Variants in SNTG1 observed in about 807,000 individuals in gnomAD.
SNTG1 encodes gamma-1-syntrophin.
In SNTG1, 39 loss-of-function variants were observed where a neutral mutation model predicts 74.7. That is an observed-to-expected ratio of 0.52 (90% CI 0.40 to 0.68). The LOEUF (loss-of-function observed/expected upper bound fraction) is 0.68, where lower values mean the gene tolerates loss of function less well. SNTG1 is among the 30% of genes least tolerant of loss of function. The probability of loss-of-function intolerance (pLI) is 0.00; values close to 1 mark genes in which losing one functional copy is unlikely to be tolerated. For missense variants in SNTG1, 685 were observed against 609.5 expected (o/e 1.12, Z -1.30); for synonymous variants, 254 against 217.1 (o/e 1.17, Z -1.49).
intron 18 of SNTG1, among the ~76,000 whole-genome samples, chr8:50,776,534 A>G (rs2095641406): frequency 6.8e-6 from 1 of 148,082 alleles, no homozygotes; most frequent in African/African-American, 2.4e-5. Context: ...CATATTTTAT[A>G]CTATTCTTTA....
intron 12 of SNTG1, among the ~76,000 whole-genome samples, chr8:50,564,660 A>G (rs1190107422): frequency 6.6e-6 from 1 of 152,118 alleles, no homozygotes; most frequent in Non-Finnish European, 1.5e-5. Context: ...TTCTTAGCTT[A>G]CAATGATATT....
At chr8:49,949,140 G>C (rs1027867227) in intron 1 of SNTG1, among the ~76,000 whole-genome samples, 5 of 152,130 alleles carry the variant, frequency 3.3e-5, no homozygotes, top group African/African-American at 1.2e-4. Flanking sequence ...GGTTCTAAAA[G>C]TTGCTCTTCT....
chr8:50,131,062 A>G (rs1167901801), intron 1 of SNTG1, among the ~76,000 whole-genome samples: 1 of 146,408 alleles, frequency 6.8e-6, no homozygotes, highest in Non-Finnish European at 1.5e-5. Context: ...AATTTCAAAA[A>G]GAGAGCATGA....
At chr8:50,263,055 T>A (rs4620300) in intron 2 of SNTG1, among the ~76,000 whole-genome samples, 135,927 of 152,196 alleles carry the variant, frequency 0.89, 62,190 homozygotes, top group East Asian at 1. Context: ...GTCATTATAC[T>A]CTTGTCCAAA....
chr8:50,425,527 G>T (rs925484253), intron 4 of SNTG1, among the ~76,000 whole-genome samples: 1 of 152,034 alleles, frequency 6.6e-6, no homozygotes, highest in African/African-American at 2.4e-5. Flanking sequence ...ATTATGGTGA[G>T]TTGTATAATT....
chr8:50,649,057 T>C (rs533056204), intron 13 of SNTG1, among the ~76,000 whole-genome samples: 31 of 152,330 alleles, frequency 2.0e-4, no homozygotes, highest in African/African-American at 7.5e-4. Flanking sequence ...ATTTAATAAT[T>C]GTACTTACTC....
chr8:50,369,531 G>A (rs1339351170), intron 2 of SNTG1, among the ~76,000 whole-genome samples: 1 of 151,966 alleles, frequency 6.6e-6, no homozygotes, highest in African/African-American at 2.4e-5. Context: ...AGGAGGCAGA[G>A]GTTGCAGTGA....
Position 50,402,213 on chromosome 8 carries a change from A to G in SNTG1, c.31A>G (p.Lys11Glu). 1 of 1,588,836 alleles carries G rather than the reference A, an allele frequency of 6.3e-7. No individual in the cohort carries two copies. The highest frequency in any genetic ancestry group is 8.5e-7 in the Non-Finnish European group (1 of 1,173,708). MDFRTACEETKTGICLLQDGN... is the reference protein window; with the variant it reads MDFRTACEETETGICLLQDGN... ...TGTTTTTTTTTTTAATCTGAAGACA[A>G]AGACAGGAATTTGTTTGCTGCAGGA... Residue 11 changes from lysine (K) to glutamate (E), a missense_variant, in exon 4 of 19, where the codon AAG becomes GAG. Lys to Glu is a moderately conservative substitution (Grantham distance 56). Transcript: ENST00000642720.
intron 17 of SNTG1, among the ~76,000 whole-genome samples, chr8:50,743,024 G>T (rs1226616406): frequency 6.6e-6 from 1 of 150,606 alleles, no homozygotes; most frequent in African/African-American, 2.4e-5. Flanking sequence ...TGTCAACAGA[G>T]AAGAGGCCTG....
At chr8:50,402,832 T>G (rs565281454) in intron 4 of SNTG1, among the ~76,000 whole-genome samples, 1 of 152,288 alleles carries the variant, frequency 6.6e-6, no homozygotes, top group African/African-American at 2.4e-5. Flanking sequence ...TGGGCCTCCC[T>G]AATAGAATTA....
At chr8:50,626,599 CCAAA>C (rs2094957856) in intron 13 of SNTG1, among the ~76,000 whole-genome samples, 1 of 152,202 alleles carries the variant, frequency 6.6e-6, no homozygotes, top group Non-Finnish European at 1.5e-5. Flanking sequence ...AAGGAATGGG[CCAAA>C]CAAAGGGATT....
intron 1 of SNTG1, among the ~76,000 whole-genome samples, chr8:49,975,452 G>T (rs1398935182): frequency 1.3e-5 from 2 of 152,132 alleles, no homozygotes; most frequent in Non-Finnish European, 2.9e-5. Flanking sequence ...GCCACAACAT[G>T]CACAGCAGCG....
intron 2 of SNTG1, among the ~76,000 whole-genome samples, chr8:50,216,012 G>A (rs562713191): frequency 6.6e-6 from 1 of 152,144 alleles, no homozygotes; most frequent in Non-Finnish European, 1.5e-5. Context: ...AAGCCAGAGA[G>A]TGTCTATCTC....
At chr8:50,642,145 A>G (rs1273304706) in intron 13 of SNTG1, among the ~76,000 whole-genome samples, 1 of 152,138 alleles carries the variant, frequency 6.6e-6, no homozygotes, top group African/African-American at 2.4e-5. Context: ...GATTGCAAAG[A>G]TCGAAAACTT....
intron 9 of SNTG1, among the ~76,000 whole-genome samples, chr8:50,503,311 T>C (rs1161715930): frequency 6.6e-6 from 1 of 152,204 alleles, no homozygotes. Flanking sequence ...TACATAGAAC[T>C]ACTTAAAAAG....
chr8:50,110,483 T>G (rs1055826739), intron 1 of SNTG1, among the ~76,000 whole-genome samples: 3 of 152,150 alleles, frequency 2.0e-5, no homozygotes, highest in Non-Finnish European at 4.4e-5. Flanking sequence ...CTGTAGTAGT[T>G]AGTCTTTCTG....
At chr8:50,460,721 G>A (rs1483936883) in intron 8 of SNTG1, among the ~76,000 whole-genome samples, 2 of 152,032 alleles carry the variant, frequency 1.3e-5, no homozygotes, top group African/African-American at 2.4e-5. Flanking sequence ...AGCTATTCTA[G>A]CACCATTTAT....
rs978315466 is a variant in SNTG1 at position 50,757,139 on chromosome 8, T to C, written c.1395+5028T>C. Reference sequence around the variant, plus strand: ...TCAAGTTGAGGATGTCCCCCATCTATTCCTAGTTTACTGAGAGTTTTTATC... The same window carrying C: ...TCAAGTTGAGGATGTCCCCCATCTACTCCTAGTTTACTGAGAGTTTTTATC... On this transcript the variant is annotated intron_variant, in intron 18 of 18. Transcript: ENST00000642720. 1.4e-4 allele frequency among the ~76,000 whole-genome samples: 22 copies of C among 151,818 alleles called. 1 individual carries two copies. Among genetic ancestry groups the C allele is most frequent in the Non-Finnish European group, 2.9e-5 (2 of 67,836 alleles).
At chr8:50,024,504 G>T (rs1178687970) in intron 1 of SNTG1, among the ~76,000 whole-genome samples, 1 of 151,946 alleles carries the variant, frequency 6.6e-6, no homozygotes, top group African/African-American at 2.4e-5. Flanking sequence ...TACATTTTCT[G>T]TCCAAAAGCC....
Sources: gnomAD v4.1 joint callset for allele counts (sites outside exome capture counted in the v4.1 genomes callset) on GRCh38, gnomAD v4.1.1 for gene constraint, MANE v1.5 for transcripts, NCBI Gene and HGNC (gene_info 2026-07-23, HGNC 2026-07-21) for gene names.